GIGYF2: variants seen among roughly 807,000 people sequenced by gnomAD.
The protein encoded by GIGYF2 is GRB10 interacting GYF protein 2.
In GIGYF2, 25 loss-of-function variants were observed where a neutral mutation model predicts 208.1. The observed-to-expected ratio is 0.12, with a 90% CI of 0.09 to 0.17. The LOEUF is 0.17. Ranked by LOEUF, GIGYF2 falls within the 10% of genes least tolerant of loss-of-function variation. GIGYF2 has a pLI of 1.00. For synonymous variants in GIGYF2, 534 were observed against 543.8 expected, an observed-to-expected ratio of 0.98 and a Z score of 0.25; for missense variants, 1,302 against 1,579.4, an observed-to-expected ratio of 0.82 and a Z score of 2.98.
intron 8 of GIGYF2, among the ~76,000 whole-genome samples, chr2:232,769,582 C>T (rs542767162): frequency 6.7e-6 from 1 of 150,276 alleles, no homozygotes; most frequent in South Asian, 2.1e-4. Context: ...CTTTGAAACT[C>T]AGAAACCTTT....
intron 21 of GIGYF2, among the ~76,000 whole-genome samples, chr2:232,825,211 T>G (rs1240007126): frequency 5.9e-5 from 9 of 152,226 alleles, no homozygotes. Context: ...GTGTCATTAT[T>G]TAAGAAACAT....
At chr2:232,728,068 T>A (rs1697290872) in intron 2 of GIGYF2, among the ~76,000 whole-genome samples, 1 of 152,216 alleles carries the variant, frequency 6.6e-6, no homozygotes, top group Non-Finnish European at 1.5e-5. Context: ...GGAACTATTT[T>A]ATGGAGTAGG....
At chr2:232,836,886 C>G (rs1389455194) in intron 22 of GIGYF2, among the ~76,000 whole-genome samples, 1 of 152,142 alleles carries the variant, frequency 6.6e-6, no homozygotes, top group Non-Finnish European at 1.5e-5. Context: ...TGGGAAGAAA[C>G]CTGGAGCTTT....
chr2:232,797,591 G>T (rs932875434), intron 14 of GIGYF2, among the ~76,000 whole-genome samples: 43 of 152,006 alleles, frequency 2.8e-4, no homozygotes, highest in African/African-American at 1.0e-3. Flanking sequence ...AATACAGAGA[G>T]ATTCCATATA....
chr2:232,729,720 ACTC>A, intron 2 of GIGYF2: 1 of 759,868 alleles, frequency 1.3e-6, no homozygotes. Flanking sequence ...CCTCTGATGC[ACTC>A]CTCTAATTTT....
chr2:232,719,280 G>GT (rs1187578147), intron 2 of GIGYF2, among the ~76,000 whole-genome samples: 1 of 152,178 alleles, frequency 6.6e-6, no homozygotes, highest in Non-Finnish European at 1.5e-5. Flanking sequence ...CACTGTCAAA[G>GT]TTAAGTATCA....
intron 2 of GIGYF2, among the ~76,000 whole-genome samples, chr2:232,723,135 C>T (rs1340072173): frequency 6.6e-6 from 1 of 152,024 alleles, no homozygotes; most frequent in Non-Finnish European, 1.5e-5. Flanking sequence ...TTTTAAATTC[C>T]CCTACCCCCT....
intron 21 of GIGYF2, among the ~76,000 whole-genome samples, chr2:232,827,820 T>C (rs950683587): frequency 2.0e-5 from 3 of 152,230 alleles, no homozygotes; most frequent in African/African-American, 4.8e-5. Flanking sequence ...TGTAAAGCAA[T>C]ATATTTCTCT....
intron 1 of GIGYF2, among the ~76,000 whole-genome samples, chr2:232,701,410 G>C (rs187741244): frequency 1.3e-5 from 2 of 149,936 alleles, no homozygotes; most frequent in Non-Finnish European, 3.0e-5. Context: ...GCACCGCTGC[G>C]CTCCAGCCTA....
intron 2 of GIGYF2, among the ~76,000 whole-genome samples, chr2:232,713,180 A>G (rs940955524): frequency 6.6e-6 from 1 of 151,090 alleles, no homozygotes; most frequent in Admixed American, 6.6e-5. Context: ...GGTTCAAGCT[A>G]TTCTCCAGCC....
At chr2:232,829,058 A>C (rs1701337339) in intron 21 of GIGYF2, among the ~76,000 whole-genome samples, 1 of 152,212 alleles carries the variant, frequency 6.6e-6, no homozygotes, top group African/African-American at 2.4e-5. Context: ...AGAGATGCTA[A>C]AATTTTTTCA....
At chr2:232,787,448 T>G in intron 9 of GIGYF2, 119 bp downstream of exon 9, 2 of 878,250 alleles carry the variant, frequency 2.3e-6, no homozygotes, top group Non-Finnish European at 3.6e-6. Context: ...ATTCATATTA[T>G]TTATGCTGTC....
At chr2:232,726,828 G>T (rs151168629) in intron 2 of GIGYF2, among the ~76,000 whole-genome samples, 2 of 152,252 alleles carry the variant, frequency 1.3e-5, no homozygotes, top group Non-Finnish European at 2.9e-5. Context: ...AAATCATTAT[G>T]CACTAAGCAA....
chr2:232,753,691 C>A lies in GIGYF2; in HGVS notation c.268-2532C>A, dbSNP rs531469527. ...TCACCCGTGAGGTAGATAAAAATAT[C>A]CCTGTCTACATTATATAGATGAGGA... is the stretch of plus-strand genomic sequence containing the variant. On this transcript the variant is annotated intron_variant, in intron 5 of 28. Transcript: ENST00000373563. 5.9e-5 allele frequency among the ~76,000 whole-genome samples: 9 copies of A among 152,208 alleles called. 1 individual carries two copies. The South Asian group carries it at 1.9e-3, about 32-fold the overall frequency.
rs150892358 is a variant in GIGYF2, at chr2:232,729,628, A to G, written c.-43-5527A>G. On this transcript the variant is annotated intron_variant, in intron 2 of 28. Coordinates refer to ENST00000373563, the MANE Select transcript of GIGYF2 (RefSeq NM_001103146.3). ...TTCCAACTTTATCATCTTCAACTTC[A>G]CAACGTATTTGAAGTTTCTTAATTC... is the stretch of plus-strand genomic sequence containing the variant. The G allele has an allele frequency of 4.6e-4, 529 of 1,147,210 alleles. 1 individual carries two copies. The African/African-American group carries it at 7.3e-3, about 16-fold the overall frequency. The allele number at this position is 1,147,210 out of a possible 1,614,324, so 71.1% of individuals were successfully genotyped here. A position where few individuals can be genotyped will look rare whatever the true frequency, so the allele number is the denominator to read the frequency against.
chr2:232,734,109 CTT>C (rs35593823), intron 2 of GIGYF2, among the ~76,000 whole-genome samples: 3,045 of 122,418 alleles, frequency 0.025, 127 homozygotes, highest in African/African-American at 0.086. Context: ...TATTTTAAAA[CTT>C]TTTTTTTTTT....
At chr2:232,718,747 T>C (rs921524733) in intron 2 of GIGYF2, among the ~76,000 whole-genome samples, 1 of 152,200 alleles carries the variant, frequency 6.6e-6, no homozygotes, top group Non-Finnish European at 1.5e-5. Flanking sequence ...TGCTGGCTGC[T>C]GTGGTGGGGA....
At chr2:232,831,044 G>T (rs1701412427) in intron 21 of GIGYF2, among the ~76,000 whole-genome samples, 1 of 152,174 alleles carries the variant, frequency 6.6e-6, no homozygotes. Context: ...TATTTGGGAG[G>T]AAGATCACAG....
At position 232,806,782 on chromosome 2, in the gene GIGYF2, G is replaced by T. The variant is rs897855829; in HGVS notation, c.1806+125G>T. On this transcript the variant is annotated intron_variant, in intron 15 of 28. Coordinates refer to ENST00000373563, the MANE Select transcript of GIGYF2 (RefSeq NM_001103146.3). This position sits in a 1 kb window ranked among gnomAD's most constrained non-coding sequence, Gnocchi z 4.0. ...TAGTTCTTTGAAATTAATGGAAATGGTAAGGGAAAGTCTGAATGGAAGACT... is the reference window on the plus strand; with the variant it reads ...TAGTTCTTTGAAATTAATGGAAATGTTAAGGGAAAGTCTGAATGGAAGACT... The T allele has an allele frequency of 2.5e-6, 2 of 799,654 alleles. No homozygotes were observed. The highest frequency in any genetic ancestry group is 3.6e-5 in the Admixed American group (2 of 56,326). 49.5% of individuals were successfully genotyped at this position (799,654 alleles called of 1,614,324 possible). A position where few individuals can be genotyped will look rare whatever the true frequency, so the allele number is the denominator to read the frequency against.
Sources: gnomAD v4.1 joint callset for allele counts (sites outside exome capture counted in the v4.1 genomes callset) on GRCh38, gnomAD v4.1.1 for gene constraint, Gnocchi (gnomAD v3.1) non-coding constraint, MANE v1.5 for transcripts, NCBI Gene and HGNC (gene_info 2026-07-23, HGNC 2026-07-21) for gene names.